The following C1orf94 variants were observed in gnomAD, a reference collection of about 807,000 sequenced individuals.
The protein encoded by C1orf94 is chromosome 1 open reading frame 94, also known as uncharacterized protein C1orf94.
In C1orf94, 45 loss-of-function variants were observed where a neutral mutation model predicts 53.6. That is an observed-to-expected ratio of 0.84 (90% CI 0.66 to 1.08). C1orf94 has a LOEUF of 1.08. C1orf94 is among the 50% of genes least tolerant of loss of function. The probability of loss-of-function intolerance (pLI) is 0.00; values close to 1 mark genes in which losing one functional copy is unlikely to be tolerated. For missense variants in C1orf94, 762 were observed against 738.9 expected, an observed-to-expected ratio of 1.03 and a Z score of -0.36; for synonymous variants, 304 against 296.1, an observed-to-expected ratio of 1.03 and a Z score of -0.27.
chr1:34,167,921 T>C (rs1642076142), intron 1 of C1orf94, among the ~76,000 whole-genome samples: 1 of 152,190 alleles, frequency 6.6e-6, no homozygotes, highest in South Asian at 2.1e-4. Flanking sequence ...CAAATATTTA[T>C]TGAGCATCAT....
At chr1:34,200,732 G>T in intron 2 of C1orf94, 40 bp from the exon 3 acceptor site, 2 of 1,610,396 alleles carry the variant, frequency 1.2e-6, no homozygotes, top group South Asian at 2.2e-5. Context: ...CCAGCACTTG[G>T]CCTTCCAGAG....
intron 6 of C1orf94, among the ~76,000 whole-genome samples, chr1:34,216,679 C>T (rs1314327014): frequency 6.6e-6 from 1 of 152,150 alleles, no homozygotes; most frequent in Non-Finnish European, 1.5e-5. Context: ...AGAAGTAGAG[C>T]CCTCCCCTCT....
chr1:34,177,690 C>T lies in C1orf94; in HGVS notation c.-100C>T, dbSNP rs1171947890. On this transcript the variant is annotated 5_prime_UTR_variant, in exon 1 of 7. Transcript: ENST00000488417. ...CTGTCCTCCACCCACCCCTCCCACA[C>T]AAATAGAAGGCCTCTGAACCTAACC... The T allele has an allele frequency of 5.4e-6, 6 of 1,110,494 alleles. No homozygotes were observed. Among genetic ancestry groups the T allele is most frequent in the Non-Finnish European group, 7.5e-6 (6 of 797,344 alleles). The allele number at this position is 1,110,494 out of a possible 1,614,324, so 68.8% of individuals were successfully genotyped here. A position where few individuals can be genotyped will look rare whatever the true frequency, so the allele number is the denominator to read the frequency against.
At chr1:34,209,508 C>G (rs1291640043) in intron 5 of C1orf94, among the ~76,000 whole-genome samples, 2 of 152,132 alleles carry the variant, frequency 1.3e-5, no homozygotes, top group Non-Finnish European at 2.9e-5. Context: ...CCTGCCATAG[C>G]ACCAGGCTGG....
intron 1 of C1orf94, among the ~76,000 whole-genome samples, chr1:34,170,323 G>A (rs1195362123): frequency 2.0e-5 from 3 of 152,112 alleles, no homozygotes; most frequent in Non-Finnish European, 4.4e-5. Context: ...TGAGAACAGC[G>A]TTAAACAGCA....
Position 34,197,791 on chromosome 1 carries a change from C to G in C1orf94, c.887C>G (p.Pro296Arg). ...CCATTTCTGCTGCTGCCTCCCCGACCTCCTCCTGCACGTCCTGACAAGCTC... is the reference window on the plus strand; with the variant it reads ...CCATTTCTGCTGCTGCCTCCCCGACGTCCTCCTGCACGTCCTGACAAGCTC... ...LSPFLLLPPR[P>R]PPARPDKLPE... The change falls in exon 2 of 7, where the codon CCT becomes CGT. Residue 296 changes from proline (P) to arginine (R), a missense_variant. By Grantham distance (103) the Pro-to-Arg change is moderately radical. Coordinates refer to ENST00000488417, the MANE Select transcript of C1orf94 (RefSeq NM_001134734.2). The surrounding 1 kb of genome is among the most constrained non-coding windows in gnomAD (Gnocchi z 4.1). 6.2e-7 allele frequency: 1 copy of G among 1,614,224 alleles called. No individual in the cohort carries two copies. Among genetic ancestry groups the G allele is most frequent in the African/African-American group, 1.3e-5 (1 of 75,072 alleles).
intron 2 of C1orf94, among the ~76,000 whole-genome samples, chr1:34,200,526 ATGGACAGATGGG>A (rs1238457375): frequency 6.6e-6 from 1 of 152,080 alleles, no homozygotes. Flanking sequence ...GGCAAAGATG[ATGGACAGATGGG>A]TGGATGAATG....
At chr1:34,184,860 A>C (rs779397856) in intron 1 of C1orf94, among the ~76,000 whole-genome samples, 20 of 152,162 alleles carry the variant, frequency 1.3e-4, no homozygotes, top group Non-Finnish European at 2.2e-4. Context: ...TATTCTTTAA[A>C]AAGCTTGAAA....
In C1orf94 at chr1:34,218,789, A is replaced by G. The variant is rs1390568527; in HGVS notation, c.*28A>G. On this transcript the variant is annotated 3_prime_UTR_variant, in exon 7 of 7. Transcript: ENST00000488417. ...CTCCTCTTCTCCCTTCTCCTCCCTT[A>G]GCCCTTGGATCAGGACTAGGGGCTC... 2.5e-6 allele frequency: 4 copies of G among 1,598,156 alleles called. No homozygotes were observed. The highest frequency in any genetic ancestry group is 3.4e-6 in the Non-Finnish European group (4 of 1,168,336).
In C1orf94 at chr1:34,190,695, T is replaced by C. The variant is rs973758930; in HGVS notation, c.321-6530T>C. ...ATAGCTAGTGGTTAAGAGAGAGGCATTGGAACGAGATTGCCTCAGATCACT... is the reference window on the plus strand; with the variant it reads ...ATAGCTAGTGGTTAAGAGAGAGGCACTGGAACGAGATTGCCTCAGATCACT... On this transcript the variant is annotated intron_variant, in intron 1 of 6. Coordinates refer to ENST00000488417, the MANE Select transcript of C1orf94 (RefSeq NM_001134734.2). Among the ~76,000 whole-genome samples, 13 of 152,300 alleles carry C rather than the reference T, an allele frequency of 8.5e-5. No individual in the cohort carries two copies. The East Asian group carries it at 2.3e-3, about 27-fold the overall frequency.
chr1:34,171,654 C>G (rs868528993), intron 1 of C1orf94, among the ~76,000 whole-genome samples: 11 of 152,230 alleles, frequency 7.2e-5, no homozygotes, highest in Non-Finnish European at 1.6e-4. Flanking sequence ...GCATCTCTGT[C>G]TTTTATGAAA....
upstream of C1orf94, among the ~76,000 whole-genome samples, chr1:34,174,948 T>C (rs1409996300): frequency 2.6e-5 from 4 of 152,212 alleles, no homozygotes; most frequent in Non-Finnish European, 5.9e-5. Flanking sequence ...CCACTAGCCA[T>C]ATGTGGCTAC....
At chr1:34,211,424 G>T (rs538009460) in intron 5 of C1orf94, among the ~76,000 whole-genome samples, 2 of 152,102 alleles carry the variant, frequency 1.3e-5, no homozygotes, top group Admixed American at 6.5e-5. Context: ...GGGAGCCCCA[G>T]TTCTAGGTCG....
chr1:34,213,173 G>A (rs1460971511), intron 6 of C1orf94, among the ~76,000 whole-genome samples: 1 of 152,210 alleles, frequency 6.6e-6, no homozygotes, highest in Non-Finnish European at 1.5e-5. Context: ...ACACCCTGGG[G>A]AATGGGTGCC....
chr1:34,172,321 C>G (rs1434225438), upstream of C1orf94, among the ~76,000 whole-genome samples: 2 of 152,144 alleles, frequency 1.3e-5, no homozygotes, highest in Admixed American at 1.3e-4. Context: ...TCATAGGCTG[C>G]CATTTTTACA....
intron 4 of C1orf94, among the ~76,000 whole-genome samples, chr1:34,205,355 G>C (rs927138187): frequency 2.0e-5 from 3 of 152,192 alleles, no homozygotes; most frequent in African/African-American, 7.2e-5. Context: ...CAGCTTCTGT[G>C]ATCTCACAAT....
chr1:34,188,220 G>T (rs1642418035), intron 1 of C1orf94, among the ~76,000 whole-genome samples: 1 of 152,208 alleles, frequency 6.6e-6, no homozygotes, highest in South Asian at 2.1e-4. Context: ...TTGGAAGGGG[G>T]TCAAAGATGA....
chr1:34,208,011 G>A (rs374706034), intron 4 of C1orf94, 146 bp from the exon 5 acceptor site: 2 of 706,562 alleles, frequency 2.8e-6, no homozygotes, highest in African/African-American at 3.5e-5. Context: ...TCCTGGCCTG[G>A]TTCCAGCTGG....
upstream of C1orf94, among the ~76,000 whole-genome samples, chr1:34,175,489 A>T (rs1299611560): frequency 2.0e-5 from 3 of 152,170 alleles, no homozygotes; most frequent in Non-Finnish European, 4.4e-5. Context: ...CTATAATTTT[A>T]TTCAGTCTAG....
Sources: gnomAD v4.1 joint callset for allele counts (sites outside exome capture counted in the v4.1 genomes callset) on GRCh38, gnomAD v4.1.1 for gene constraint, Gnocchi (gnomAD v3.1) non-coding constraint, MANE v1.5 for transcripts, NCBI Gene and HGNC (gene_info 2026-07-23, HGNC 2026-07-21) for gene names.